The following NUCKS1 variants were observed in gnomAD, a reference collection of about 807,000 sequenced individuals.
NUCKS1 encodes nuclear ubiquitous casein and cyclin-dependent kinase substrate 1.
In NUCKS1, 2 loss-of-function variants were observed where a neutral mutation model predicts 33.0. The observed-to-expected ratio is 0.06, with a 90% CI of 0.02 to 0.19. NUCKS1 has a LOEUF of 0.19. NUCKS1 is among the 10% of genes least tolerant of loss of function. The pLI is 1.00. For synonymous variants in NUCKS1, 106 were observed against 102.8 expected, an observed-to-expected ratio of 1.03 and a Z score of -0.19; for missense variants, 201 against 293.6, an observed-to-expected ratio of 0.68 and a Z score of 2.31.
chr1:205,737,844 T>C (rs951542811), intron 1 of NUCKS1, among the ~76,000 whole-genome samples: 3 of 152,210 alleles, frequency 2.0e-5, no homozygotes, highest in East Asian at 1.9e-4. Context: ...CATTACAGAA[T>C]TGTCCAACCT....
chr1:205,732,269 A>G (rs950274072), intron 1 of NUCKS1, among the ~76,000 whole-genome samples: 20 of 152,224 alleles, frequency 1.3e-4, no homozygotes, highest in African/African-American at 4.6e-4. Context: ...ATACTATATT[A>G]TTAGGAAAGC....
chr1:205,720,131 TA>T (rs1340685795), intron 5 of NUCKS1, among the ~76,000 whole-genome samples: 1 of 152,184 alleles, frequency 6.6e-6, no homozygotes, highest in Non-Finnish European at 1.5e-5. Context: ...GTGAAACACC[TA>T]AATTTTATTA....
At chr1:205,743,179 C>A (rs1654223654) in intron 1 of NUCKS1, among the ~76,000 whole-genome samples, 1 of 152,138 alleles carries the variant, frequency 6.6e-6, no homozygotes, top group South Asian at 2.1e-4. Flanking sequence ...TGGGAAAAAA[C>A]AGGCCAAAAA....
chr1:205,731,221 G>A lies in NUCKS1; in HGVS notation c.18-1600C>T, dbSNP rs544466095. The A allele has an allele frequency of 8.5e-5, 13 of 152,062 alleles. No homozygotes were observed. In the South Asian group the frequency reaches 1.5e-3, roughly 17 times the overall value. The allele number at this position is 152,062 out of a possible 1,614,324, so 9.4% of individuals were successfully genotyped here. On this transcript the variant is annotated intron_variant, in intron 1 of 6. Coordinates refer to ENST00000367142, the MANE Select transcript of NUCKS1 (RefSeq NM_022731.5). ...TTCCTTTTCCAATTTTACAGACCTG[G>A]TTTATCAGCAACATTTATAAAACTA...
intron 1 of NUCKS1, among the ~76,000 whole-genome samples, chr1:205,744,548 A>G (rs1654263720): frequency 6.6e-6 from 1 of 151,698 alleles, no homozygotes; most frequent in Non-Finnish European, 1.5e-5. Context: ...AAGTATTTTC[A>G]TAACTTACAT....
At position 205,713,900 on chromosome 1, in the gene NUCKS1, G is replaced by C. The variant is rs1671783298; in HGVS notation, c.*4380C>G. ...AAATCAAGGAAGACTGGGAGTTTTA[G>C]AGCTGGCAAAATGAAGTCTAAAAGA... On this transcript the variant is annotated 3_prime_UTR_variant, in exon 7 of 7. Coordinates refer to ENST00000367142, the MANE Select transcript of NUCKS1 (RefSeq NM_022731.5). The C allele has an allele frequency of 6.6e-6, 1 of 152,180 alleles. No individual in the cohort carries two copies. The highest frequency in any genetic ancestry group is 2.1e-4 in the South Asian group (1 of 4,830). 9.4% of individuals were successfully genotyped at this position (152,180 alleles called of 1,614,324 possible).
chr1:205,741,105 C>A (rs1654159447), intron 1 of NUCKS1, among the ~76,000 whole-genome samples: 2 of 151,352 alleles, frequency 1.3e-5, no homozygotes, highest in Non-Finnish European at 2.9e-5. Flanking sequence ...TGCAGACCAT[C>A]CTGGCTAACA....
intron 1 of NUCKS1, among the ~76,000 whole-genome samples, chr1:205,730,569 A>G (rs1310938020): frequency 6.6e-6 from 1 of 151,414 alleles, no homozygotes; most frequent in African/African-American, 2.4e-5. Flanking sequence ...GCTCACTGCA[A>G]CCTCTGCCTC....
rs1453790587 is a variant in NUCKS1 at position 205,746,447 on chromosome 1, T to TCA, written c.17+3509_17+3510insTG. ...GTTAATAAACTCACTTCTCTCTCTC[T>TCA]CTCTCTCACACACACACACACACAC... On this transcript the variant is annotated intron_variant, in intron 1 of 6. Coordinates refer to ENST00000367142, the MANE Select transcript of NUCKS1 (RefSeq NM_022731.5). Among the ~76,000 whole-genome samples the TCA allele has an allele frequency of 2.9e-3, 255 of 88,724 alleles. 1 individual carries two copies. The highest frequency in any genetic ancestry group is 3.4e-3 in the Non-Finnish European group (145 of 42,088). 58.2% of individuals were successfully genotyped at this position (88,724 alleles called of 152,430 possible). A position where few individuals can be genotyped will look rare whatever the true frequency, so the allele number is the denominator to read the frequency against.
At chr1:205,749,360 G>T (rs904923437) in intron 1 of NUCKS1, among the ~76,000 whole-genome samples, 2 of 152,234 alleles carry the variant, frequency 1.3e-5, no homozygotes, top group Non-Finnish European at 2.9e-5. Context: ...TCCCGCCCAC[G>T]CTCGGCCCGA....
intron 1 of NUCKS1, among the ~76,000 whole-genome samples, chr1:205,734,788 G>A (rs1003243558): frequency 2.0e-5 from 3 of 152,012 alleles, no homozygotes; most frequent in Non-Finnish European, 2.9e-5. Context: ...CCAGCTACTC[G>A]GGAGGCTGAG....
intron 1 of NUCKS1, among the ~76,000 whole-genome samples, chr1:205,744,736 G>A (rs766316305): frequency 9.6e-5 from 14 of 145,598 alleles, no homozygotes; most frequent in Admixed American, 2.2e-4. Flanking sequence ...GGGTTCAAGC[G>A]ATTCTCCTGC....
chr1:205,735,718 T>C (rs1323989157), intron 1 of NUCKS1, among the ~76,000 whole-genome samples: 1 of 152,196 alleles, frequency 6.6e-6, no homozygotes, highest in Non-Finnish European at 1.5e-5. Context: ...AGAACATTTG[T>C]GCAAGGTATA....
chr1:205,737,488 ACAAT>A (rs980420513), intron 1 of NUCKS1, among the ~76,000 whole-genome samples: 6 of 152,230 alleles, frequency 3.9e-5, no homozygotes, highest in African/African-American at 1.2e-4. Context: ...TTCCAGGGTA[ACAAT>A]CTATTTATTT....
At position 205,719,582 on chromosome 1, in the gene NUCKS1, C is replaced by T. The variant is rs1310990028; in HGVS notation, c.477G>A (p.Lys159=). 18 of 1,613,394 alleles carry T rather than the reference C, an allele frequency of 1.1e-5. No homozygotes were observed. The highest frequency in any genetic ancestry group is 1.5e-5 in the Non-Finnish European group (18 of 1,179,846). ...SKKKNKKMVK[K]SKPERKEKKM... is the part of the protein sequence containing the mutation. ...TCTTTTCTTTTCTTTCAGGTTTGGA[C>T]TTCTTAACCATCTTTTTGTTTTTCT... The change falls in exon 6 of 7, where the codon AAG becomes AAA. Residue 159 remains lysine, a synonymous_variant. Transcript: ENST00000367142.
At chr1:205,736,708 G>A (rs934305687) in intron 1 of NUCKS1, among the ~76,000 whole-genome samples, 1 of 152,014 alleles carries the variant, frequency 6.6e-6, no homozygotes, top group African/African-American at 2.4e-5. Context: ...GTAGGCGCCT[G>A]TAATCCCAGG....
At chr1:205,739,598 C>T (rs564085524) in intron 1 of NUCKS1, among the ~76,000 whole-genome samples, 42 of 152,186 alleles carry the variant, frequency 2.8e-4, no homozygotes, top group African/African-American at 9.9e-4. Flanking sequence ...TCAGCCCCTA[C>T]CCCAGTAGCT....
intron 1 of NUCKS1, among the ~76,000 whole-genome samples, chr1:205,746,219 C>G (rs990197897): frequency 6.6e-6 from 1 of 152,044 alleles, no homozygotes; most frequent in Non-Finnish European, 1.5e-5. Flanking sequence ...CACTTGAACC[C>G]GGGAGGTGGA....
rs1671964635 is a variant in NUCKS1 at position 205,724,084 on chromosome 1, C to T, written c.174-103G>A. The T allele has an allele frequency of 1.1e-5, 9 of 852,514 alleles. No individual in the cohort carries two copies. In the South Asian group the frequency reaches 1.2e-4, roughly 11 times the overall value. 52.8% of individuals were successfully genotyped at this position (852,514 alleles called of 1,614,324 possible). A position where few individuals can be genotyped will look rare whatever the true frequency, so the allele number is the denominator to read the frequency against. The stretch of plus-strand genomic sequence containing the variant: ...ACTTGAGAAGAAGTGAAAAATACCT[C>T]TTCTATATAAAATCTTCAAACAAAT... On this transcript the variant is annotated intron_variant, in intron 3 of 6. Coordinates refer to ENST00000367142, the MANE Select transcript of NUCKS1 (RefSeq NM_022731.5).
Sources: gnomAD v4.1 joint callset for allele counts (sites outside exome capture counted in the v4.1 genomes callset) on GRCh38, gnomAD v4.1.1 for gene constraint, MANE v1.5 for transcripts, NCBI Gene and HGNC (gene_info 2026-07-23, HGNC 2026-07-21) for gene names.